Variants in ESD observed in about 807,000 individuals in gnomAD.
ESD encodes the protein esterase D.
ESD carries 34 observed loss-of-function variants against 38.1 expected under a neutral mutation model. The ratio of observed to expected loss-of-function variants is 0.89; its 90% confidence interval spans 0.68 to 1.19. ESD has a LOEUF of 1.19. ESD is among the 50% of genes most tolerant of loss of function. ESD has a pLI of 0.00. For missense variants in ESD, 334 were observed against 327.2 expected (o/e 1.02, Z -0.16); for synonymous variants, 97 against 107.0 (o/e 0.91, Z 0.58).
At chr13:46,779,785 GAT>G in intron 8 of ESD, 148 bp downstream of exon 8, 1 of 178,636 alleles carries the variant, frequency 5.6e-6, no homozygotes. Flanking sequence ...CTCATATATT[GAT>G]ATATATATCG....
intron 8 of ESD, 67 bp downstream of exon 8, chr13:46,779,868 T>C: frequency 8.1e-7 from 1 of 1,234,924 alleles, no homozygotes. Context: ...GAATATAATA[T>C]ATGTCCAACC....
intron 4 of ESD, among the ~76,000 whole-genome samples, 164 bp downstream of exon 4, chr13:46,786,857 T>C (rs1195463022): frequency 6.6e-6 from 1 of 151,998 alleles, no homozygotes; most frequent in Non-Finnish European, 1.5e-5. Flanking sequence ...TCAGTAGGTC[T>C]GAAATTATTC....
intron 8 of ESD, 82 bp downstream of exon 8, chr13:46,779,853 G>T (rs2138289532): frequency 1.0e-6 from 1 of 981,340 alleles, no homozygotes; most frequent in Non-Finnish European, 1.5e-6. Flanking sequence ...ACATGAGCAG[G>T]GTAGGAATAT....
intron 7 of ESD, among the ~76,000 whole-genome samples, chr13:46,780,626 T>G (rs1407595942): frequency 6.6e-6 from 1 of 151,726 alleles, no homozygotes; most frequent in Non-Finnish European, 1.5e-5. Flanking sequence ...AAGTTTGCTT[T>G]TCTACCTCAG....
At position 46,771,679 on chromosome 13, in the gene ESD, C is replaced by T. The variant is rs148340359; in HGVS notation, c.769-183G>A. 2.3e-3 allele frequency among the ~76,000 whole-genome samples: 345 copies of T among 152,176 alleles called. 3 individuals carry two copies. Among genetic ancestry groups the T allele is most frequent in the Middle Eastern group, 6.8e-3 (2 of 294 alleles). The stretch of plus-strand genomic sequence containing the variant: ...CTTGTACTTTAACATTTTCACTGTA[C>T]ATTAAAAGAGCAGCAAAAATGTGAA... On this transcript the variant is annotated intron_variant, in intron 9 of 9. Transcript: ENST00000378720.
chr13:46,780,146 T>G (rs1874950269), intron 7 of ESD, 113 bp from the exon 8 acceptor site: 1 of 662,486 alleles, frequency 1.5e-6, no homozygotes, highest in South Asian at 2.2e-5. Flanking sequence ...GCTTAAAAAT[T>G]CTGACTTGCC....
At chr13:46,796,698 C>G (rs1253616946) in intron 1 of ESD, among the ~76,000 whole-genome samples, 2 of 152,248 alleles carry the variant, frequency 1.3e-5, no homozygotes, top group Admixed American at 6.5e-5. Context: ...CCGAACCAGG[C>G]GCCGGCGGCC....
At chr13:46,792,586 T>C (rs1326032821) in intron 2 of ESD, among the ~76,000 whole-genome samples, 1 of 152,064 alleles carries the variant, frequency 6.6e-6, no homozygotes, top group Non-Finnish European at 1.5e-5. Flanking sequence ...CCTGACTCTC[T>C]AGAGGTTCTT....
At chr13:46,775,679 T>C (rs1389842283) in intron 9 of ESD, 6 of 470,296 alleles carry the variant, frequency 1.3e-5, no homozygotes, top group Non-Finnish European at 2.6e-5. Context: ...TAGTCCACTC[T>C]TAACCCGACC....
chr13:46,782,734 A>T lies in ESD; in HGVS notation c.314T>A (p.Phe105Tyr). ...AGGATCTTCAGTGGCATCAACATAA[A>T]ATCCAGCACCAGTGCCAAAGTCCCA... ...ESWDFGTGAGFYVDATEDPWK... is the reference protein window; with the variant it reads ...ESWDFGTGAGYYVDATEDPWK... The change falls in exon 6 of 10, where the codon TTT becomes TAT. Residue 105 changes from phenylalanine to tyrosine, a missense_variant. Transcript: ENST00000378720. 1 of 1,612,378 alleles carries T rather than the reference A, an allele frequency of 6.2e-7. No homozygotes were observed. The highest frequency in any genetic ancestry group is 1.1e-5 in the South Asian group (1 of 91,012).
At chr13:46,792,607 T>C (rs528776991) in intron 2 of ESD, among the ~76,000 whole-genome samples, 15 of 152,152 alleles carry the variant, frequency 9.9e-5, no homozygotes, top group African/African-American at 3.4e-4. Flanking sequence ...TAAATACTCA[T>C]TTTTTAAGAC....
chr13:46,793,908 A>G (rs1180056643), intron 1 of ESD, among the ~76,000 whole-genome samples: 2 of 152,164 alleles, frequency 1.3e-5, no homozygotes, highest in African/African-American at 4.8e-5. Flanking sequence ...CTGAAGGACT[A>G]CTACTAGGGT....
At chr13:46,794,275 G>T (rs1043594191) in intron 1 of ESD, among the ~76,000 whole-genome samples, 25 of 152,150 alleles carry the variant, frequency 1.6e-4, no homozygotes, top group African/African-American at 6.0e-4. Context: ...GGAGAAGAAA[G>T]GGTCTCTCAG....
upstream of ESD, among the ~76,000 whole-genome samples, chr13:46,797,618 A>C (rs560375343): frequency 3.9e-5 from 6 of 152,366 alleles, no homozygotes; most frequent in East Asian, 1.2e-3. Flanking sequence ...GCTTGAGTTA[A>C]ACAAGAAACC....
chr13:46,775,845 G>A, intron 9 of ESD: 1 of 272,680 alleles, frequency 3.7e-6, no homozygotes, highest in Non-Finnish European at 7.6e-6. Context: ...TTGGGATACA[G>A]GCATTTTAGA....
At chr13:46,796,558 G>C (rs1030807812) in intron 1 of ESD, among the ~76,000 whole-genome samples, 1 of 152,092 alleles carries the variant, frequency 6.6e-6, no homozygotes, top group Non-Finnish European at 1.5e-5. Flanking sequence ...AGCATTTTAC[G>C]ACCCGAACAG....
rs535703157 is a variant in ESD, at chr13:46,777,767, T to A, written c.601-144A>T. 109 of 561,512 alleles carry A rather than the reference T, an allele frequency of 1.9e-4. 3 individuals carry two copies. The South Asian group carries it at 5.8e-3, about 30-fold the overall frequency. The allele number at this position is 561,512 out of a possible 1,614,324, so 34.8% of individuals were successfully genotyped here. A position where few individuals can be genotyped will look rare whatever the true frequency, so the allele number is the denominator to read the frequency against. On this transcript the variant is annotated intron_variant, in intron 8 of 9. Coordinates refer to ENST00000378720, the MANE Select transcript of ESD (RefSeq NM_001984.2). ...TATGCTTTTAAGTTGGTTCAAAATC[T>A]GACTTGCCAGGCTTTTATTTACAAG...
Position 46,781,491 on chromosome 13 carries a change from C to A in ESD, c.501+5G>T, listed in dbSNP as rs1251081180. 1.3e-6 allele frequency: 2 copies of A among 1,588,432 alleles called. No homozygotes were observed. Among genetic ancestry groups the A allele is most frequent in the South Asian group, 2.3e-5 (2 of 86,286 alleles). ...ATTTATCACTAGAAGTTTAGATAAT[C>A]TTACTTTGTATTTTCCAGGATTTTT... On this transcript the variant is annotated splice_donor_5th_base_variant and intron_variant, in intron 7 of 9. Coordinates refer to ENST00000378720, the MANE Select transcript of ESD (RefSeq NM_001984.2).
intron 4 of ESD, 137 bp from the exon 5 acceptor site, chr13:46,784,487 C>T (rs1875122760): frequency 1.7e-6 from 1 of 593,714 alleles, no homozygotes; most frequent in African/African-American, 1.9e-5. Context: ...ATGTTCACTA[C>T]CCGGGTGATG....
Sources: gnomAD v4.1 joint callset for allele counts (sites outside exome capture counted in the v4.1 genomes callset) on GRCh38, gnomAD v4.1.1 for gene constraint, MANE v1.5 for transcripts, NCBI Gene and HGNC (gene_info 2026-07-23, HGNC 2026-07-21) for gene names.